Variants in RANBP2 observed in about 807,000 individuals in gnomAD.
The protein encoded by RANBP2 is E3 SUMO-protein ligase RanBP2.
In RANBP2, 57 loss-of-function variants were observed where a neutral mutation model predicts 303.6. The ratio of observed to expected loss-of-function variants is 0.19; its 90% confidence interval spans 0.15 to 0.23. The LOEUF (loss-of-function observed/expected upper bound fraction) is 0.23, where lower values mean the gene tolerates loss of function less well. Ranked by LOEUF, RANBP2 falls within the 10% of genes least tolerant of loss-of-function variation. The pLI, the probability that RANBP2 is intolerant of heterozygous loss-of-function variation, is 1.00. For missense variants in RANBP2, 3,138 were observed against 3,780.8 expected, an observed-to-expected ratio of 0.83 and a Z score of 4.46; for synonymous variants, 1,167 against 1,301.5, an observed-to-expected ratio of 0.90 and a Z score of 2.23.
chr2:109,508,849 G>C, the RANBP2 span, among the ~76,000 whole-genome samples: 4 of 152,218 alleles, frequency 2.6e-5, no homozygotes, highest in Non-Finnish European at 5.9e-5. Context: ...ATCTGGAGAG[G>C]AAGGCAAGCC....
At chr2:109,296,088 C>T in the RANBP2 span, among the ~76,000 whole-genome samples, 2 of 152,084 alleles carry the variant, frequency 1.3e-5, no homozygotes, top group African/African-American at 2.4e-5. Context: ...CAGGTTGGCC[C>T]CCCAGAAGGC....
chr2:109,645,826 G>A, the RANBP2 span, among the ~76,000 whole-genome samples: 1 of 152,180 alleles, frequency 6.6e-6, no homozygotes, highest in Non-Finnish European at 1.5e-5. Flanking sequence ...AGTCCAGCAT[G>A]AGTGTTCATT....
At chr2:109,713,267 G>C in the RANBP2 span, among the ~76,000 whole-genome samples, 3 of 152,090 alleles carry the variant, frequency 2.0e-5, no homozygotes, top group African/African-American at 4.8e-5. Flanking sequence ...ACAGGTTCAG[G>C]GTTCTTCATC....
At chr2:108,731,938 G>A (rs968855578) in intron 4 of RANBP2, 5 of 166,160 alleles carry the variant, frequency 3.0e-5, no homozygotes, top group Admixed American at 5.7e-5. Flanking sequence ...TATATAAGAC[G>A]TAATTACTAA....
At chr2:108,921,204 TG>T in the RANBP2 span, among the ~76,000 whole-genome samples, 2 of 152,052 alleles carry the variant, frequency 1.3e-5, no homozygotes, top group African/African-American at 4.8e-5. Context: ...GGTTAGAGCC[TG>T]GGAGGTGTGG....
At chr2:109,582,340 G>A in the RANBP2 span, among the ~76,000 whole-genome samples, 1 of 152,038 alleles carries the variant, frequency 6.6e-6, no homozygotes, top group Non-Finnish European at 1.5e-5. Context: ...TTGTTTTTGA[G>A]AAGGTATCAC....
chr2:109,335,472 G>A, the RANBP2 span, among the ~76,000 whole-genome samples: 68 of 152,198 alleles, frequency 4.5e-4, no homozygotes, highest in African/African-American at 9.9e-4. Context: ...GGACATGCTC[G>A]TCGACTAGCC....
At chr2:109,580,153 A>T in the RANBP2 span, among the ~76,000 whole-genome samples, 1 of 151,674 alleles carries the variant, frequency 6.6e-6, no homozygotes, top group Non-Finnish European at 1.5e-5. Context: ...AATACAGGCT[A>T]AAAAAACTTC....
At chr2:108,771,518 A>G (rs531864221) in intron 20 of RANBP2, among the ~76,000 whole-genome samples, 183 bp from the exon 21 acceptor site, 3 of 152,296 alleles carry the variant, frequency 2.0e-5, no homozygotes, top group African/African-American at 7.2e-5. Context: ...TTGGTAGAAC[A>G]CTAAATCAGG....
At chr2:109,659,289 A>G in the RANBP2 span, among the ~76,000 whole-genome samples, 1 of 145,926 alleles carries the variant, frequency 6.9e-6, no homozygotes, top group South Asian at 2.3e-4. Context: ...AGGCAGGAGA[A>G]TTGCTTGCCT....
the RANBP2 span, among the ~76,000 whole-genome samples, chr2:109,511,914 G>A: frequency 2.0e-5 from 3 of 152,190 alleles, no homozygotes; most frequent in Non-Finnish European, 4.4e-5. Flanking sequence ...GGCACCCAGT[G>A]TGGTGCTGCC....
the RANBP2 span, among the ~76,000 whole-genome samples, chr2:109,116,580 C>G: frequency 6.6e-6 from 1 of 152,278 alleles, no homozygotes; most frequent in East Asian, 1.9e-4. Context: ...GTTTGAATTT[C>G]CTTCTGTAGC....
At chr2:109,015,036 C>T in the RANBP2 span, among the ~76,000 whole-genome samples, 3 of 138,568 alleles carry the variant, frequency 2.2e-5, no homozygotes, top group African/African-American at 8.0e-5. Context: ...AGGAGAATTG[C>T]TTGAGCTAGG....
At chr2:109,047,487 G>T in the RANBP2 span, among the ~76,000 whole-genome samples, 2 of 151,948 alleles carry the variant, frequency 1.3e-5, no homozygotes, top group Admixed American at 1.3e-4. Flanking sequence ...GAAACTGAGG[G>T]CTCAAAGAAA....
At chr2:109,567,986 A>G in the RANBP2 span, 1 of 1,561,132 alleles carries the variant, frequency 6.4e-7, no homozygotes. Context: ...CCTATTAAGA[A>G]TAAAGAAAAA....
At chr2:109,658,440 A>G in the RANBP2 span, among the ~76,000 whole-genome samples, 2 of 150,576 alleles carry the variant, frequency 1.3e-5, no homozygotes, top group Non-Finnish European at 3.0e-5. Flanking sequence ...GCAAGACTCC[A>G]TCTCAAAAAA....
chr2:108,847,515 G>A, the RANBP2 span, among the ~76,000 whole-genome samples: 5 of 152,164 alleles, frequency 3.3e-5, no homozygotes, highest in Admixed American at 6.5e-5. Flanking sequence ...TGCACCTAGT[G>A]TAGTGCTTCA....
the RANBP2 span, among the ~76,000 whole-genome samples, chr2:109,174,776 C>T: frequency 6.6e-6 from 1 of 152,230 alleles, no homozygotes; most frequent in Non-Finnish European, 1.5e-5. Flanking sequence ...GGCTCACTCG[C>T]TGGAGCCCTG....
chr2:108,831,152 C>A, the RANBP2 span, among the ~76,000 whole-genome samples: 1 of 151,928 alleles, frequency 6.6e-6, no homozygotes, highest in Non-Finnish European at 1.5e-5. Context: ...GCACTCCAGC[C>A]TGAGTTATAG....
Sources: gnomAD v4.1 joint callset for allele counts (sites outside exome capture counted in the v4.1 genomes callset) on GRCh38, gnomAD v4.1.1 for gene constraint, MANE v1.5 for transcripts, NCBI Gene and HGNC (gene_info 2026-07-23, HGNC 2026-07-21) for gene names.